LSAMP: variants seen among roughly 807,000 people sequenced by gnomAD.
LSAMP encodes limbic system associated membrane protein.
Under a neutral mutation model 38.6 loss-of-function variants are expected in LSAMP, and 7 were observed. The ratio of observed to expected loss-of-function variants is 0.18; its 90% CI spans 0.10 to 0.34. The LOEUF is 0.34. Among genes scored for constraint, LSAMP ranks in the 10% least tolerant of loss-of-function variants. The probability of loss-of-function intolerance (pLI) is 1.00; values close to 1 mark genes in which losing one functional copy is unlikely to be tolerated. For missense variants in LSAMP, 313 were observed against 420.0 expected (o/e 0.75, Z 2.23); for synonymous variants, 154 against 166.8 (o/e 0.92, Z 0.59).
At chr3:116,229,873 G>C (rs1193480321) in intron 1 of LSAMP, among the ~76,000 whole-genome samples, 1 of 152,060 alleles carries the variant, frequency 6.6e-6, no homozygotes, top group Non-Finnish European at 1.5e-5. Context: ...AGCAGTTATT[G>C]ACTAAAAAAT....
In LSAMP at chr3:115,807,626, T is replaced by C. The variant is rs1933659360; in HGVS notation, c.*2691A>G. The C allele has an allele frequency of 6.6e-6, 1 of 152,170 alleles. No individual in the cohort carries two copies. The highest frequency in any genetic ancestry group is 1.5e-5 in the Non-Finnish European group (1 of 68,032). The allele number at this position is 152,170 out of a possible 1,614,324, so 9.4% of individuals were successfully genotyped here. On this transcript the variant is annotated 3_prime_UTR_variant, in exon 7 of 7. Transcript: ENST00000490035. ...TACTAACATCCAACTTCTAACAACA[T>C]CCAACTTAACTCCTACTTTTCTCTT...
intron 3 of LSAMP, among the ~76,000 whole-genome samples, chr3:115,871,713 CCTATTGCTAGACT>C (rs1213528875): frequency 6.6e-6 from 1 of 151,700 alleles, no homozygotes; most frequent in Non-Finnish European, 1.5e-5. Context: ...CTGAGGGTTC[CCTATTGCTAGACT>C]TTCCTTGGTT....
chr3:115,896,698 T>C (rs1319706353), intron 3 of LSAMP, among the ~76,000 whole-genome samples: 1 of 152,146 alleles, frequency 6.6e-6, no homozygotes, highest in Non-Finnish European at 1.5e-5. Context: ...ATTGAGGAAG[T>C]GAGGATAATT....
At chr3:116,269,480 C>T (rs560751947) in intron 1 of LSAMP, among the ~76,000 whole-genome samples, 4 of 152,068 alleles carry the variant, frequency 2.6e-5, no homozygotes, top group African/African-American at 4.8e-5. Context: ...AGTTTGAATA[C>T]TACATAATGA....
At chr3:115,946,659 G>T (rs541346541) in intron 3 of LSAMP, among the ~76,000 whole-genome samples, 1 of 152,034 alleles carries the variant, frequency 6.6e-6, no homozygotes, top group Non-Finnish European at 1.5e-5. Flanking sequence ...TTTCTACAAA[G>T]TAAACTGCAA....
intron 3 of LSAMP, among the ~76,000 whole-genome samples, chr3:115,927,887 G>A (rs920047318): frequency 3.9e-5 from 6 of 152,086 alleles, no homozygotes; most frequent in Admixed American, 2.6e-4. Context: ...CACATACCTC[G>A]AGACCATTAC....
intron 4 of LSAMP, among the ~76,000 whole-genome samples, chr3:115,847,487 G>A (rs1039192117): frequency 6.6e-6 from 1 of 152,126 alleles, no homozygotes; most frequent in Admixed American, 6.5e-5. Context: ...CTTCCAATTT[G>A]GTTGGTGATA....
chr3:116,297,499 A>G (rs554348890), intron 1 of LSAMP, among the ~76,000 whole-genome samples: 17 of 152,150 alleles, frequency 1.1e-4, no homozygotes, highest in Admixed American at 8.5e-4. Context: ...ACAAAATGAC[A>G]TTTTTTCTTG....
At chr3:115,968,849 A>G (rs560364905) in intron 3 of LSAMP, among the ~76,000 whole-genome samples, 8 of 152,304 alleles carry the variant, frequency 5.3e-5, no homozygotes, top group Non-Finnish European at 1.2e-4. Flanking sequence ...TGCAATGGCA[A>G]GGCTTGTTGG....
intron 3 of LSAMP, among the ~76,000 whole-genome samples, chr3:116,012,109 C>T (rs1940345991): frequency 6.6e-6 from 1 of 152,182 alleles, no homozygotes; most frequent in Admixed American, 6.5e-5. Flanking sequence ...CTTTTGCATC[C>T]TGTTTCTTAG....
intron 1 of LSAMP, among the ~76,000 whole-genome samples, chr3:116,134,110 A>G (rs919146286): frequency 6.6e-6 from 1 of 152,224 alleles, no homozygotes; most frequent in Admixed American, 6.5e-5. Flanking sequence ...ATTTAGTCCA[A>G]GCTGAAAATG....
chr3:116,413,090 T>C (rs2049001609), intron 1 of LSAMP, among the ~76,000 whole-genome samples: 1 of 152,066 alleles, frequency 6.6e-6, no homozygotes, highest in Non-Finnish European at 1.5e-5. Flanking sequence ...TTTTAACACA[T>C]CTTCCAGGTG....
At chr3:116,019,707 T>C in intron 2 of LSAMP, 67 bp from the exon 3 acceptor site, 1 of 1,546,166 alleles carries the variant, frequency 6.5e-7, no homozygotes, top group East Asian at 2.3e-5. Context: ...GCCATACAAC[T>C]GGAAGTGGCA....
At chr3:115,893,233 C>T (rs11712343) in intron 3 of LSAMP, among the ~76,000 whole-genome samples, 1 of 151,682 alleles carries the variant, frequency 6.6e-6, no homozygotes, top group Non-Finnish European at 1.5e-5. Flanking sequence ...CCACCATGGC[C>T]TGTGTATACC....
intron 1 of LSAMP, among the ~76,000 whole-genome samples, chr3:116,109,741 G>A (rs13082462): frequency 6.6e-6 from 1 of 152,028 alleles, no homozygotes; most frequent in Non-Finnish European, 1.5e-5. Flanking sequence ...AACACAGGCT[G>A]AGGGAGAAGG....
intron 3 of LSAMP, among the ~76,000 whole-genome samples, chr3:115,867,714 C>T (rs966139181): frequency 5.3e-5 from 8 of 152,046 alleles, no homozygotes; most frequent in South Asian, 2.1e-4. Flanking sequence ...CTCACAGATG[C>T]CTCCAGAAAA....
At chr3:116,384,784 G>A (rs1036579815) in intron 1 of LSAMP, among the ~76,000 whole-genome samples, 2 of 152,024 alleles carry the variant, frequency 1.3e-5, no homozygotes, top group Non-Finnish European at 2.9e-5. Flanking sequence ...TTAATTTTGA[G>A]TCACATATTT....
At chr3:116,245,343 A>G (rs1356894513) in intron 1 of LSAMP, among the ~76,000 whole-genome samples, 1 of 152,188 alleles carries the variant, frequency 6.6e-6, no homozygotes, top group African/African-American at 2.4e-5. Context: ...CCCCACTATG[A>G]TATGGCTGTC....
rs187802153 is a variant in LSAMP at position 116,118,573 on chromosome 3, G to T, written c.156-32017C>A. On this transcript the variant is annotated intron_variant, in intron 1 of 6. Coordinates refer to ENST00000490035, the MANE Select transcript of LSAMP (RefSeq NM_002338.5). Reference sequence around the variant, plus strand: ...GCAAATTTAGTAGAGTTTGCAGGGGGTGGGTGAGAGGGAGCAAAATTGGAT... The same window carrying T: ...GCAAATTTAGTAGAGTTTGCAGGGGTTGGGTGAGAGGGAGCAAAATTGGAT... Among the ~76,000 whole-genome samples the T allele has an allele frequency of 1.3e-3, 195 of 152,272 alleles. 1 individual carries two copies. The highest frequency in any genetic ancestry group is 3.2e-3 in the Admixed American group (49 of 15,290).
Sources: allele counts gnomAD v4.1 joint callset (sites outside exome capture counted in the v4.1 genomes callset), GRCh38; gene constraint gnomAD v4.1.1; transcripts MANE v1.5; gene names NCBI Gene and HGNC (gene_info 2026-07-23, HGNC 2026-07-21).